Variants in EHMT1 observed in about 807,000 individuals in gnomAD.
EHMT1 encodes histone-lysine N-methyltransferase EHMT1.
A neutral mutation model predicts 147.2 loss-of-function variants in EHMT1; 15 were observed. That is an observed-to-expected ratio of 0.10 (90% confidence interval 0.07 to 0.16). EHMT1 has a LOEUF of 0.16. Among genes scored for constraint, EHMT1 ranks in the 10% least tolerant of loss-of-function variants. The pLI is 1.00. For missense variants in EHMT1, 1,587 were observed against 1,772.4 expected (o/e 0.90, Z 1.88); for synonymous variants, 795 against 709.6 (o/e 1.12, Z -1.91).
intron 1 of EHMT1, among the ~76,000 whole-genome samples, chr9:137,625,251 T>G (rs79774796): frequency 0.013 from 1,905 of 152,312 alleles, 38 homozygotes; most frequent in African/African-American, 0.043. Flanking sequence ...GTTGCATCCG[T>G]GATTTTCCTA....
Position 137,743,521 on chromosome 9 carries a change from G to A in EHMT1, c.974G>A (p.Gly325Asp), listed in dbSNP as rs375192869. ...AAGAGCATAACTCATTCCACTGTGG[G>A]TTCCAAGGTAAGAGACGCATTTGAG... ...MFKSITHSTV[G>D]SKGEKDLGAS... Residue 325 changes from glycine to aspartate, a missense_variant, in exon 5 of 27, where the codon GGT (glycine) becomes GAT (aspartate). By Grantham distance (94) the Gly-to-Asp change is moderately conservative. Transcript: ENST00000460843. 1 of 1,614,138 alleles carries A rather than the reference G, an allele frequency of 6.2e-7. No homozygotes were observed. Among genetic ancestry groups the A allele is most frequent in the African/African-American group, 1.3e-5 (1 of 75,032 alleles).
At chr9:137,684,469 A>T (rs997488854) in intron 1 of EHMT1, among the ~76,000 whole-genome samples, 1 of 151,992 alleles carries the variant, frequency 6.6e-6, no homozygotes, top group Admixed American at 6.6e-5. Flanking sequence ...ATTTCCTACA[A>T]AGCCATTATT....
chr9:137,632,154 T>C (rs1479694009), intron 1 of EHMT1, among the ~76,000 whole-genome samples: 4 of 152,232 alleles, frequency 2.6e-5, no homozygotes, highest in African/African-American at 9.6e-5. Flanking sequence ...TATCTCCGAA[T>C]GTATCCCCCT....
At position 137,814,516 on chromosome 9, in the gene EHMT1, C is replaced by T. The variant is rs776758566; in HGVS notation, c.3258+8C>T. ...CGCTGCTGGTACGACAAGGTGAGGG[C>T]GGCCTCGTGTGCGTGGGCTCAGGTG... is the stretch of plus-strand genomic sequence containing the variant. On this transcript the variant is annotated splice_region_variant and intron_variant, in intron 22 of 26. Transcript: ENST00000460843. 1.2e-5 allele frequency: 19 copies of T among 1,604,340 alleles called. No homozygotes were observed. Among genetic ancestry groups the T allele is most frequent in the Middle Eastern group, 1.7e-4 (1 of 6,060 alleles).
rs1237428523 is a variant in EHMT1 at position 137,776,802 on chromosome 9, A to G, written c.1976A>G (p.Lys659Arg). ...STVTPVPGQE[K>R]GSALEGRADT... ...GTGACACCAGTCCCCGGGCAGGAGA[A>G]GGGCTCGGCCCTGGAGGGCAGGGCC... Residue 659 changes from lysine (K) to arginine (R), a missense_variant, in exon 12 of 27, where the codon AAG becomes AGG. Transcript: ENST00000460843. The surrounding 1 kb of genome is among the most constrained non-coding windows in gnomAD (Gnocchi z 4.4). 2 of 1,613,890 alleles carry G rather than the reference A, an allele frequency of 1.2e-6. No homozygotes were observed. Among genetic ancestry groups the G allele is most frequent in the Non-Finnish European group, 1.7e-6 (2 of 1,180,032 alleles).
intron 1 of EHMT1, among the ~76,000 whole-genome samples, chr9:137,677,676 C>T (rs1004049852): frequency 1.3e-5 from 2 of 152,040 alleles, no homozygotes; most frequent in Non-Finnish European, 2.9e-5. Flanking sequence ...ACAGAGTCAG[C>T]CACAGTGGTG....
intron 1 of EHMT1, among the ~76,000 whole-genome samples, chr9:137,661,849 C>G (rs991700060): frequency 4.6e-5 from 7 of 152,124 alleles, no homozygotes; most frequent in Admixed American, 3.9e-4. Flanking sequence ...GTTGCCCAGG[C>G]CGGAGTGCAA....
chr9:137,682,551 G>T (rs1053813088), intron 1 of EHMT1, among the ~76,000 whole-genome samples: 2 of 152,154 alleles, frequency 1.3e-5, no homozygotes, highest in Non-Finnish European at 2.9e-5. Context: ...TTTGCTAGCC[G>T]CTGGGATGCC....
intron 1 of EHMT1, among the ~76,000 whole-genome samples, chr9:137,676,781 C>T (rs1776293196): frequency 6.6e-6 from 1 of 152,160 alleles, no homozygotes; most frequent in Non-Finnish European, 1.5e-5. Context: ...CGGAATTCCG[C>T]CTTCCGCAGG....
intron 1 of EHMT1, among the ~76,000 whole-genome samples, chr9:137,652,668 G>T (rs1230046877): frequency 1.3e-5 from 2 of 151,762 alleles, no homozygotes; most frequent in African/African-American, 2.4e-5. Flanking sequence ...TTACAGGCGT[G>T]AGCCACCGCG....
At position 137,813,165 on chromosome 9, in the gene EHMT1, A is replaced by G. The variant is rs750200741; in HGVS notation, c.3027A>G (p.Ile1009Met). The change falls in exon 20 of 27, where the codon ATA becomes ATG. Residue 1009 changes from isoleucine (I) to methionine (M), a missense_variant. This residue lies in a region of EHMT1 where 78 missense variants were observed against 68.9 expected (regional missense o/e 1.13). Transcript: ENST00000460843. This position sits in a 1 kb window ranked among gnomAD's most constrained non-coding sequence, Gnocchi z 4.9. Reference sequence around the variant, plus strand: ...ACAGGCCCAGCCCCGTGGAGAGGATAGTGAGCAGGTGAGCCCAGCCCCAGG... The same window carrying G: ...ACAGGCCCAGCCCCGTGGAGAGGATGGTGAGCAGGTGAGCCCAGCCCCAGG... ...APDRPSPVERIVSRDIARGYE... is the reference protein window; with the variant it reads ...APDRPSPVERMVSRDIARGYE... 1 of 1,609,684 alleles carries G rather than the reference A, an allele frequency of 6.2e-7. No homozygotes were observed. Among genetic ancestry groups the G allele is most frequent in the Non-Finnish European group, 8.5e-7 (1 of 1,179,946 alleles).
At chr9:137,792,238 T>C (rs1175096874) in intron 16 of EHMT1, 4 of 370,404 alleles carry the variant, frequency 1.1e-5, no homozygotes, top group South Asian at 2.2e-5. Context: ...TGGAATAAAA[T>C]AAAAAGCCCA....
chr9:137,705,286 C>T lies in EHMT1; in HGVS notation c.22-5681C>T, dbSNP rs912655351. On this transcript the variant is annotated intron_variant, in intron 1 of 26. Coordinates refer to ENST00000460843, the MANE Select transcript of EHMT1 (RefSeq NM_024757.5). The stretch of plus-strand genomic sequence containing the variant: ...GGGATCACAGGCATGAGCCACTACA[C>T]CGGCCTGGGAATTCCTTTAACTTGC... Among the ~76,000 whole-genome samples the T allele has an allele frequency of 2.0e-5, 3 of 152,320 alleles. No individual in the cohort carries two copies. In the East Asian group the frequency reaches 5.8e-4, roughly 29 times the overall value.
At chr9:137,751,932 T>A (rs901408485) in intron 6 of EHMT1, among the ~76,000 whole-genome samples, 11 of 152,238 alleles carry the variant, frequency 7.2e-5, no homozygotes, top group African/African-American at 2.7e-4. Flanking sequence ...AAAATCTTTT[T>A]ATGATTGTTC....
At chr9:137,816,184 A>AT (rs1438373701) in intron 23 of EHMT1, 122 bp downstream of exon 23, 3 of 889,594 alleles carry the variant, frequency 3.4e-6, no homozygotes, top group Non-Finnish European at 5.4e-6. Context: ...GTGTTTGCAG[A>AT]TAGAGCCGAC....
intron 1 of EHMT1, among the ~76,000 whole-genome samples, chr9:137,708,313 A>G (rs1452720341): frequency 6.6e-6 from 1 of 152,214 alleles, no homozygotes. Context: ...GCAAGGGGGA[A>G]GTATTTTGAT....
At chr9:137,655,998 A>G (rs1938399435) in intron 1 of EHMT1, among the ~76,000 whole-genome samples, 1 of 152,242 alleles carries the variant, frequency 6.6e-6, no homozygotes, top group Non-Finnish European at 1.5e-5. Context: ...TATGAAATAC[A>G]CTGCCATTCA....
chr9:137,770,932 A>G (rs527332651), intron 10 of EHMT1, among the ~76,000 whole-genome samples: 74 of 151,884 alleles, frequency 4.9e-4, no homozygotes, highest in African/African-American at 1.6e-3. Context: ...TTGCCTCCCT[A>G]TTCATTTTTT....
At chr9:137,814,279 C>T in intron 21 of EHMT1, 152 bp from the exon 22 acceptor site, 1 of 805,858 alleles carries the variant, frequency 1.2e-6, no homozygotes, top group South Asian at 1.4e-5. Flanking sequence ...CCTGCACAGC[C>T]TTCTCCCTAA....
Sources: gnomAD v4.1 joint callset for allele counts (sites outside exome capture counted in the v4.1 genomes callset) on GRCh38, gnomAD v4.1.1 for gene constraint, gnomAD v4.1.1 regional missense constraint, Gnocchi (gnomAD v3.1) non-coding constraint, MANE v1.5 for transcripts, NCBI Gene and HGNC (gene_info 2026-07-23, HGNC 2026-07-21) for gene names.